Variants in RAB2A observed in about 807,000 individuals in gnomAD.
RAB2A encodes the protein ras-related protein Rab-2A.
RAB2A carries 7 observed loss-of-function variants against 32.5 expected under a neutral mutation model. That is an observed-to-expected ratio of 0.22 (90% CI 0.12 to 0.40). The LOEUF (loss-of-function observed/expected upper bound fraction) is 0.40, where lower values mean the gene tolerates loss of function less well. Among genes scored for constraint, RAB2A ranks in the 10% least tolerant of loss-of-function variants. RAB2A has a pLI of 1.00. For missense variants in RAB2A, 108 were observed against 260.7 expected (o/e 0.41, Z 4.03); for synonymous variants, 79 against 85.2 (o/e 0.93, Z 0.40).
At chr8:60,550,122 AAAT>A (rs1189621481) in intron 1 of RAB2A, among the ~76,000 whole-genome samples, 4 of 152,128 alleles carry the variant, frequency 2.6e-5, no homozygotes, top group Non-Finnish European at 5.9e-5. Context: ...TCTCAACTCA[AAAT>A]AACCAAACTG....
intron 6 of RAB2A, among the ~76,000 whole-genome samples, chr8:60,594,254 A>G (rs1170093975): frequency 6.6e-6 from 1 of 152,232 alleles, no homozygotes; most frequent in Non-Finnish European, 1.5e-5. Flanking sequence ...GGCAAAAAGT[A>G]TATAAACCTA....
intron 7 of RAB2A, among the ~76,000 whole-genome samples, 186 bp from the exon 8 acceptor site, chr8:60,620,488 A>G (rs1455147688): frequency 6.6e-6 from 1 of 152,260 alleles, no homozygotes; most frequent in African/African-American, 2.4e-5. Context: ...AAACATTTCC[A>G]CAGTGTTTTT....
intron 3 of RAB2A, among the ~76,000 whole-genome samples, chr8:60,580,849 T>A (rs1300108849): frequency 2.0e-5 from 3 of 152,334 alleles, no homozygotes; most frequent in Non-Finnish European, 4.4e-5. Context: ...TTGTGGATCT[T>A]ATAGTAGTAC....
At chr8:60,534,773 T>C (rs1807532554) in intron 1 of RAB2A, among the ~76,000 whole-genome samples, 1 of 152,210 alleles carries the variant, frequency 6.6e-6, no homozygotes, top group Admixed American at 6.5e-5. Flanking sequence ...AAGACCATTG[T>C]GTGACATAGT....
chr8:60,598,392 T>G (rs932034180), intron 6 of RAB2A, among the ~76,000 whole-genome samples: 6 of 152,130 alleles, frequency 3.9e-5, no homozygotes, highest in African/African-American at 1.4e-4. Context: ...CCCTATTTAT[T>G]TTATAAAACT....
chr8:60,601,813 T>A (rs951622770), intron 6 of RAB2A, among the ~76,000 whole-genome samples: 1 of 152,236 alleles, frequency 6.6e-6, no homozygotes, highest in Non-Finnish European at 1.5e-5. Context: ...TTCATTAGCT[T>A]ATTTTTCTAC....
intron 2 of RAB2A, among the ~76,000 whole-genome samples, chr8:60,565,210 C>T (rs1586085736): frequency 6.6e-6 from 1 of 152,222 alleles, no homozygotes; most frequent in East Asian, 1.9e-4. Flanking sequence ...CTTGATGCCA[C>T]ATGTTTGAGA....
chr8:60,579,785 GCCCGGCTAATTTTTTGCATTT>G (rs1803709152), intron 3 of RAB2A, among the ~76,000 whole-genome samples: 1 of 151,534 alleles, frequency 6.6e-6, no homozygotes, highest in Non-Finnish European at 1.5e-5. Context: ...CCGCCACCAA[GCCCGGCTAATTTTTTGCATTT>G]TTAGTAGAGA....
At chr8:60,586,988 G>C (rs1222815295) in intron 5 of RAB2A, among the ~76,000 whole-genome samples, 1 of 151,400 alleles carries the variant, frequency 6.6e-6, no homozygotes, top group Non-Finnish European at 1.5e-5. Flanking sequence ...ATCAAACATT[G>C]GCAGACTTTT....
chr8:60,545,549 G>A (rs1807714385), intron 1 of RAB2A, among the ~76,000 whole-genome samples: 1 of 152,124 alleles, frequency 6.6e-6, no homozygotes, highest in Non-Finnish European at 1.5e-5. Context: ...CCGAAGCACT[G>A]GGTTATAGGT....
chr8:60,547,142 T>A (rs1807742582), intron 1 of RAB2A, among the ~76,000 whole-genome samples: 1 of 151,622 alleles, frequency 6.6e-6, no homozygotes, highest in Non-Finnish European at 1.5e-5. Context: ...ACAAAGCACA[T>A]CTTGCACCGC....
At chr8:60,615,327 G>C (rs1234175375) in intron 6 of RAB2A, among the ~76,000 whole-genome samples, 2 of 152,146 alleles carry the variant, frequency 1.3e-5, no homozygotes, top group African/African-American at 4.8e-5. Context: ...TATAGATAAG[G>C]TATTTTTAAG....
At chr8:60,520,899 T>G (rs577109121) in intron 1 of RAB2A, among the ~76,000 whole-genome samples, 1 of 152,168 alleles carries the variant, frequency 6.6e-6, no homozygotes, top group Non-Finnish European at 1.5e-5. Context: ...TCACTACAGC[T>G]TCAGTCTCCT....
At chr8:60,578,510 C>T (rs1198544435) in intron 3 of RAB2A, among the ~76,000 whole-genome samples, 1 of 151,992 alleles carries the variant, frequency 6.6e-6, no homozygotes, top group East Asian at 1.9e-4. Flanking sequence ...GGCACAAAAG[C>T]AGGAATTTTC....
intron 1 of RAB2A, among the ~76,000 whole-genome samples, chr8:60,544,685 T>C (rs2130819551): frequency 6.6e-6 from 1 of 151,402 alleles, no homozygotes; most frequent in East Asian, 2.0e-4. Context: ...TGTGAGCCCC[T>C]GGCCTGTATT....
intron 3 of RAB2A, among the ~76,000 whole-genome samples, chr8:60,573,011 C>T (rs56294255): frequency 0.53 from 81,093 of 151,960 alleles, 24,518 homozygotes; most frequent in African/African-American, 0.83. Context: ...GATTCTCATA[C>T]CTGCTTCTGC....
chr8:60,520,921 A>G (rs369696424), intron 1 of RAB2A, among the ~76,000 whole-genome samples: 15 of 152,200 alleles, frequency 9.9e-5, no homozygotes, highest in South Asian at 2.1e-4. Context: ...GGCCTAAGCA[A>G]TCCTCCCACC....
chr8:60,604,111 G>A (rs989460369), intron 6 of RAB2A, among the ~76,000 whole-genome samples: 3 of 152,084 alleles, frequency 2.0e-5, no homozygotes, highest in African/African-American at 4.8e-5. Context: ...AATGAGATCT[G>A]ATTGTTTAAA....
intron 3 of RAB2A, among the ~76,000 whole-genome samples, chr8:60,577,601 T>C (rs1275402843): frequency 6.6e-6 from 1 of 151,788 alleles, no homozygotes; most frequent in African/African-American, 2.4e-5. Context: ...CTCTCAATTA[T>C]AGCAGTTCCT....
Sources: allele counts gnomAD v4.1 joint callset (sites outside exome capture counted in the v4.1 genomes callset), GRCh38; gene constraint gnomAD v4.1.1; transcripts MANE v1.5; gene names NCBI Gene and HGNC (gene_info 2026-07-23, HGNC 2026-07-21).